The following VRK2 variants were observed in gnomAD, a reference collection of about 807,000 sequenced individuals.
VRK2 encodes serine/threonine-protein kinase VRK2.
A neutral mutation model predicts 57.6 loss-of-function variants in VRK2; 60 were observed. The observed-to-expected ratio is 1.04, with a 90% confidence interval of 0.85 to 1.29. The LOEUF is 1.29. Among genes scored for constraint, VRK2 ranks in the 50% most tolerant of loss-of-function variants. The pLI is 0.00. For synonymous variants in VRK2, 231 were observed against 199.2 expected, an observed-to-expected ratio of 1.16 and a Z score of -1.35; for missense variants, 705 against 588.1, an observed-to-expected ratio of 1.20 and a Z score of -2.06.
chr2:57,993,014 G>A (rs1268992954), intron 1 of VRK2, among the ~76,000 whole-genome samples: 2 of 152,062 alleles, frequency 1.3e-5, no homozygotes, highest in Non-Finnish European at 2.9e-5. Flanking sequence ...TAAAAAATAG[G>A]CACAATAAAA....
At chr2:58,002,586 A>AT (rs951378511) in intron 1 of VRK2, among the ~76,000 whole-genome samples, 3 of 151,606 alleles carry the variant, frequency 2.0e-5, no homozygotes, top group East Asian at 1.9e-4. Flanking sequence ...GCAGAGGATT[A>AT]TTTTTTTTTA....
chr2:57,936,726 T>TA (rs774424239), intron 1 of VRK2, among the ~76,000 whole-genome samples: 20 of 152,242 alleles, frequency 1.3e-4, no homozygotes, highest in Non-Finnish European at 2.9e-4. Flanking sequence ...TCCTTATCCT[T>TA]ATACCTACAG....
At chr2:58,092,712 G>C (rs1672552751) in intron 7 of VRK2, among the ~76,000 whole-genome samples, 1 of 152,092 alleles carries the variant, frequency 6.6e-6, no homozygotes, top group Admixed American at 6.6e-5. Context: ...TGTGCACAAA[G>C]TGCAGGTTTG....
intron 1 of VRK2, among the ~76,000 whole-genome samples, chr2:57,970,154 C>T (rs1290332492): frequency 1.4e-5 from 2 of 148,096 alleles, no homozygotes; most frequent in African/African-American, 2.5e-5. Context: ...ATGATGTAAA[C>T]ATATAATCAT....
intron 2 of VRK2, chr2:58,058,595 A>G (rs1015917456): frequency 1.8e-5 from 5 of 273,034 alleles, no homozygotes; most frequent in African/African-American, 4.5e-5. Flanking sequence ...ATGAAAGAAG[A>G]GTCTGGTAAA....
At chr2:58,048,096 G>A (rs1357833828) in intron 1 of VRK2, among the ~76,000 whole-genome samples, 1 of 152,090 alleles carries the variant, frequency 6.6e-6, no homozygotes, top group Non-Finnish European at 1.5e-5. Flanking sequence ...GCTAACCTAT[G>A]TACAATTATA....
chr2:57,965,793 C>T (rs1671898746), intron 1 of VRK2, among the ~76,000 whole-genome samples: 1 of 152,042 alleles, frequency 6.6e-6, no homozygotes, highest in South Asian at 2.1e-4. Flanking sequence ...TGAGGTGATC[C>T]AATATAGAGG....
At chr2:58,039,281 T>G (rs181454713) in intron 3 of VRK2, among the ~76,000 whole-genome samples, 1 of 152,272 alleles carries the variant, frequency 6.6e-6, no homozygotes, top group East Asian at 1.9e-4. Flanking sequence ...TAATTGCACT[T>G]CCTCACAACA....
chr2:58,100,614 ATATTT>A (rs147205014), intron 7 of VRK2, among the ~76,000 whole-genome samples: 9,273 of 151,800 alleles, frequency 0.061, 946 homozygotes, highest in African/African-American at 0.21. Context: ...TTTAAAATTA[ATATTT>A]TATGAGTTTT....
chr2:58,086,896 T>G (rs1431184141), intron 5 of VRK2, among the ~76,000 whole-genome samples: 1 of 152,158 alleles, frequency 6.6e-6, no homozygotes, highest in Non-Finnish European at 1.5e-5. Flanking sequence ...GAAGTCATCG[T>G]TTTTTGTAAT....
intron 7 of VRK2, among the ~76,000 whole-genome samples, chr2:58,106,070 A>G (rs1167865407): frequency 3.3e-5 from 5 of 151,956 alleles, no homozygotes; most frequent in Non-Finnish European, 5.9e-5. Context: ...CATTAAGCCA[A>G]TGCAATCCAG....
chr2:58,039,066 C>T (rs1025827924), intron 3 of VRK2, among the ~76,000 whole-genome samples: 1 of 152,044 alleles, frequency 6.6e-6, no homozygotes, highest in African/African-American at 2.4e-5. Flanking sequence ...AGCCACAATA[C>T]TATTAGTTGA....
At chr2:58,104,277 T>C (rs1236624997) in intron 7 of VRK2, among the ~76,000 whole-genome samples, 2 of 151,826 alleles carry the variant, frequency 1.3e-5, no homozygotes, top group Non-Finnish European at 2.9e-5. Context: ...GAATTATCTC[T>C]ATTTGCCAAC....
At chr2:57,917,756 T>C (rs1670204410) in intron 1 of VRK2, among the ~76,000 whole-genome samples, 1 of 151,890 alleles carries the variant, frequency 6.6e-6, no homozygotes, top group Non-Finnish European at 1.5e-5. Flanking sequence ...AGAGAGGGGA[T>C]GGCTTTGAAT....
intron 1 of VRK2, among the ~76,000 whole-genome samples, chr2:57,968,350 C>G (rs1211620750): frequency 1.3e-5 from 2 of 152,070 alleles, no homozygotes; most frequent in Non-Finnish European, 2.9e-5. Flanking sequence ...AAGCATCTCT[C>G]TCATCCAAGA....
At chr2:58,136,780 A>G (rs1680090436) in intron 10 of VRK2, among the ~76,000 whole-genome samples, 1 of 145,224 alleles carries the variant, frequency 6.9e-6, no homozygotes, top group Non-Finnish European at 1.5e-5. Context: ...TATCATATAT[A>G]TGTGTATATA....
At chr2:57,973,249 C>T (rs952588745) in intron 1 of VRK2, among the ~76,000 whole-genome samples, 5 of 151,736 alleles carry the variant, frequency 3.3e-5, no homozygotes, top group African/African-American at 1.2e-4. Flanking sequence ...TTTTAATTGG[C>T]GTTTCTCTTA....
At chr2:58,031,402 A>G (rs1177004821) in intron 2 of VRK2, among the ~76,000 whole-genome samples, 1 of 152,016 alleles carries the variant, frequency 6.6e-6, no homozygotes, top group African/African-American at 2.4e-5. Context: ...TGGGAGGGAT[A>G]TATTTTTTAG....
chr2:57,911,316 T>A (rs1669978291), intron 1 of VRK2, among the ~76,000 whole-genome samples: 1 of 152,088 alleles, frequency 6.6e-6, no homozygotes, highest in African/African-American at 2.4e-5. Flanking sequence ...CAAAAGAAAA[T>A]AAGAGTTAAG....
Sources: gnomAD v4.1 joint callset for allele counts (sites outside exome capture counted in the v4.1 genomes callset) on GRCh38, gnomAD v4.1.1 for gene constraint, MANE v1.5 for transcripts, NCBI Gene and HGNC (gene_info 2026-07-23, HGNC 2026-07-21) for gene names.